Variants in FAM120A observed in about 807,000 individuals in gnomAD.
The protein encoded by FAM120A is family with sequence similarity 120 member A.
Under a neutral mutation model 109.7 loss-of-function variants are expected in FAM120A, and 15 were observed. That is an observed-to-expected ratio of 0.14 (90% CI 0.09 to 0.21). The LOEUF (loss-of-function observed/expected upper bound fraction) is 0.21, where lower values mean the gene tolerates loss of function less well. Ranked by LOEUF, FAM120A falls within the 10% of genes least tolerant of loss-of-function variation. The probability of loss-of-function intolerance (pLI) is 1.00; values close to 1 mark genes in which losing one functional copy is unlikely to be tolerated. For synonymous variants in FAM120A, 493 were observed against 572.8 expected (o/e 0.86, Z 1.99); for missense variants, 899 against 1,439.3 (o/e 0.62, Z 6.07).
rs1860405583 is a variant in FAM120A at position 93,513,063 on chromosome 9, A to C, written c.1031-2604A>C. ...GGGTGCTACATGAGTCTAGCCTTAGATTTGTATTATTCCAAAGTTAGGTAA... is the reference window on the plus strand; with the variant it reads ...GGGTGCTACATGAGTCTAGCCTTAGCTTTGTATTATTCCAAAGTTAGGTAA... On this transcript the variant is annotated intron_variant, in intron 5 of 17. Coordinates refer to ENST00000277165, the MANE Select transcript of FAM120A (RefSeq NM_014612.5). Among the ~76,000 whole-genome samples, 4 of 152,220 alleles carry C rather than the reference A, an allele frequency of 2.6e-5. No homozygotes were observed. The South Asian group carries it at 8.3e-4, about 31-fold the overall frequency.
At chr9:93,508,206 A>G (rs998172727) in intron 5 of FAM120A, among the ~76,000 whole-genome samples, 13 of 152,074 alleles carry the variant, frequency 8.5e-5, no homozygotes, top group African/African-American at 3.1e-4. Flanking sequence ...GCTGTGTGTC[A>G]GAGAAGAAAT....
Position 93,564,632 on chromosome 9 carries a change from TC to T in FAM120A, c.*94del. On this transcript the variant is annotated 3_prime_UTR_variant, in exon 18 of 18. Coordinates refer to ENST00000277165, the MANE Select transcript of FAM120A (RefSeq NM_014612.5). ...AGAGCCTGCAGTTATGTACATTTTG[TC>T]CTTTCCGTAAGAGAAAAATGAGGAC... 9.2e-7 allele frequency: 1 copy of T among 1,089,688 alleles called. No homozygotes were observed. Among genetic ancestry groups the T allele is most frequent in the South Asian group, 1.8e-5 (1 of 54,564 alleles). The allele number at this position is 1,089,688 out of a possible 1,614,324, so 67.5% of individuals were successfully genotyped here.
At chr9:93,522,817 G>A (rs1298909661) in intron 7 of FAM120A, among the ~76,000 whole-genome samples, 1 of 152,146 alleles carries the variant, frequency 6.6e-6, no homozygotes, top group Non-Finnish European at 1.5e-5. Context: ...CCCCTCCCCT[G>A]TTAATTTTTG....
intron 5 of FAM120A, among the ~76,000 whole-genome samples, chr9:93,503,244 A>T (rs992956683): frequency 6.6e-6 from 1 of 152,196 alleles, no homozygotes; most frequent in Admixed American, 6.5e-5. Flanking sequence ...TGTTTGCCCA[A>T]AGGAGTTGAA....
chr9:93,516,815 A>G (rs1860618857), intron 7 of FAM120A, among the ~76,000 whole-genome samples: 1 of 152,246 alleles, frequency 6.6e-6, no homozygotes, highest in Non-Finnish European at 1.5e-5. Context: ...GTGTCCCTGA[A>G]TAAATGGGTT....
chr9:93,494,752 GA>G (rs1273431455), intron 3 of FAM120A, among the ~76,000 whole-genome samples: 1 of 152,126 alleles, frequency 6.6e-6, no homozygotes, highest in Non-Finnish European at 1.5e-5. Flanking sequence ...TGCTCTTTCA[GA>G]AGCTCACCTA....
rs751021997 is a variant in FAM120A, at chr9:93,451,948, G to A, written c.33G>A (p.Glu11=). ...TGCAGGGCTTCCAGGACTACATCGA[G>A]AAGCACTGCCCGAGCGCCGTGGTGC... MGVQGFQDYI[E]KHCPSAVVPV... The change falls in exon 1 of 18, where the codon GAG becomes GAA. Residue 11 remains glutamate (E), a synonymous_variant. Coordinates refer to ENST00000277165, the MANE Select transcript of FAM120A (RefSeq NM_014612.5). 5.9e-6 allele frequency: 9 copies of A among 1,529,876 alleles called. No homozygotes were observed. In the Admixed American group the frequency reaches 1.7e-4, roughly 28 times the overall value. 94.8% of individuals were successfully genotyped at this position (1,529,876 alleles called of 1,614,324 possible). A position where few individuals can be genotyped will look rare whatever the true frequency, so the allele number is the denominator to read the frequency against.
At chr9:93,544,435 G>A (rs1442908831) in intron 11 of FAM120A, among the ~76,000 whole-genome samples, 1 of 152,202 alleles carries the variant, frequency 6.6e-6, no homozygotes, top group Non-Finnish European at 1.5e-5. Flanking sequence ...CCACAGCTCA[G>A]TATGGGTAGA....
At position 93,562,945 on chromosome 9, in the gene FAM120A, G is replaced by A. The variant is rs935608908; in HGVS notation, c.3045+641G>A. Among the ~76,000 whole-genome samples, 20 of 152,104 alleles carry A rather than the reference G, an allele frequency of 1.3e-4. 1 individual carries two copies. The highest frequency in any genetic ancestry group is 6.2e-4 in the South Asian group (3 of 4,824). On this transcript the variant is annotated intron_variant, in intron 17 of 17. Transcript: ENST00000277165. ...CTCCCAAAGTGCTAGAATTACAGGC[G>A]TGAGCCACCATGCCCAGCGGTCCTG...
chr9:93,520,236 C>T (rs12552189), intron 7 of FAM120A, among the ~76,000 whole-genome samples: 19,968 of 151,982 alleles, frequency 0.13, 2,962 homozygotes, highest in African/African-American at 0.36. Context: ...CCTGTAGTCC[C>T]AGCTACTCGG....
chr9:93,548,704 CCTT>C (rs1490701451), intron 11 of FAM120A, among the ~76,000 whole-genome samples: 2 of 151,936 alleles, frequency 1.3e-5, no homozygotes, highest in Non-Finnish European at 2.9e-5. Flanking sequence ...GAGGAGAGGA[CCTT>C]CTTCATATTT....
chr9:93,516,941 C>CT (rs1860624132), intron 7 of FAM120A, among the ~76,000 whole-genome samples: 1 of 152,134 alleles, frequency 6.6e-6, no homozygotes, highest in Non-Finnish European at 1.5e-5. Flanking sequence ...TATTTCTTTT[C>CT]TTTAAGTCAG....
intron 10 of FAM120A, among the ~76,000 whole-genome samples, chr9:93,537,708 T>C (rs554611387): frequency 6.6e-6 from 1 of 152,332 alleles, no homozygotes; most frequent in South Asian, 2.1e-4. Context: ...GAAATGTTTT[T>C]ATTTGTGCTA....
intron 12 of FAM120A, among the ~76,000 whole-genome samples, chr9:93,552,002 T>C (rs1484855230): frequency 6.6e-6 from 1 of 152,242 alleles, no homozygotes; most frequent in Non-Finnish European, 1.5e-5. Context: ...CTGGTTTGTC[T>C]CATCACCACC....
intron 3 of FAM120A, among the ~76,000 whole-genome samples, chr9:93,487,407 C>T (rs1385100530): frequency 6.6e-6 from 1 of 152,172 alleles, no homozygotes; most frequent in Non-Finnish European, 1.5e-5. Context: ...AGTGATCCAC[C>T]TACCTAGGCC....
intron 3 of FAM120A, among the ~76,000 whole-genome samples, chr9:93,496,322 A>G (rs1564326949): frequency 6.6e-6 from 1 of 152,234 alleles, no homozygotes. Context: ...AAGGTTTTCA[A>G]TGTGCTTAGC....
intron 7 of FAM120A, among the ~76,000 whole-genome samples, chr9:93,520,021 G>A (rs1265144980): frequency 6.6e-6 from 1 of 152,048 alleles, no homozygotes; most frequent in Non-Finnish European, 1.5e-5. Flanking sequence ...CGAAAGACAT[G>A]TTCCACCACA....
intron 5 of FAM120A, among the ~76,000 whole-genome samples, chr9:93,515,141 TC>T (rs1860511292): frequency 6.6e-6 from 1 of 152,254 alleles, no homozygotes; most frequent in Non-Finnish European, 1.5e-5. Flanking sequence ...GAAAAGCAAT[TC>T]CTTTTATATT....
intron 5 of FAM120A, among the ~76,000 whole-genome samples, chr9:93,502,565 TACACACAC>T (rs6151079): frequency 8.8e-4 from 129 of 146,798 alleles, no homozygotes; most frequent in Admixed American, 2.2e-3. Context: ...GGAGGACACA[TACACACAC>T]ACACACACAC....
Sources: gnomAD v4.1 joint callset for allele counts (sites outside exome capture counted in the v4.1 genomes callset) on GRCh38, gnomAD v4.1.1 for gene constraint, MANE v1.5 for transcripts, NCBI Gene and HGNC (gene_info 2026-07-23, HGNC 2026-07-21) for gene names.